LZTS3: variants seen among roughly 807,000 people sequenced by gnomAD.
LZTS3 encodes the protein leucine zipper putative tumor suppressor 3.
LZTS3 carries 16 observed loss-of-function variants against 50.9 expected under a neutral mutation model. That is an observed-to-expected ratio of 0.31 (90% CI 0.21 to 0.48). The LOEUF is 0.48. LZTS3 is among the 20% of genes least tolerant of loss of function. The pLI is 0.99. For missense variants in LZTS3, 816 were observed against 931.0 expected, an observed-to-expected ratio of 0.88 and a Z score of 1.61; for synonymous variants, 408 against 410.6, an observed-to-expected ratio of 0.99 and a Z score of 0.08.
chr20:3,165,394 C>CG lies in LZTS3; in HGVS notation c.1323+102_1323+103insC. The CG allele has an allele frequency of 1.0e-6, 1 of 980,960 alleles. No individual in the cohort carries two copies. The highest frequency in any genetic ancestry group is 1.4e-6 in the Non-Finnish European group (1 of 705,498). The allele number at this position is 980,960 out of a possible 1,614,324, so 60.8% of individuals were successfully genotyped here. ...TTTTGTCCCCCCTGCTCCTTTCATC[C>CG]CCCCCCCCATCCCACCGTTATGATA... On this transcript the variant is annotated intron_variant, in intron 4 of 4. Transcript: ENST00000337576. This position sits in a 1 kb window ranked among gnomAD's most constrained non-coding sequence, Gnocchi z 5.0.
rs1391454188 is a variant in LZTS3, at chr20:3,165,595, G to A, written c.1225C>T (p.Arg409Trp). The A allele has an allele frequency of 1.9e-6, 3 of 1,596,740 alleles. No individual in the cohort carries two copies. The highest frequency in any genetic ancestry group is 1.7e-6 in the Non-Finnish European group (2 of 1,178,854). Residue 409 changes from arginine (R) to tryptophan (W), a missense_variant, in exon 4 of 5, where the codon CGG becomes TGG. By Grantham distance (101) the Arg-to-Trp change is moderately radical. Around this residue, in one of 3 missense-constraint regions of LZTS3, gnomAD observed 700 missense variants for 769.4 expected, o/e 0.91. Transcript: ENST00000337576. The surrounding 1 kb of genome is among the most constrained non-coding windows in gnomAD (Gnocchi z 5.0). ...DKKQLQEEAA[R>W]LMRQREELED... ...AGCTCTTCCCGCTGCCGCATCAGCC[G>A]GGCCGCCTCCTCCTGCAGCTGCTTC... is the stretch of plus-strand genomic sequence containing the variant.
chr20:3,168,123 C>G (rs4815571), intron 1 of LZTS3, 162 bp from the exon 2 acceptor site: 47,823 of 151,772 alleles, frequency 0.32, 8,443 homozygotes, highest in South Asian at 0.59. Flanking sequence ...CCTGTCCCTC[C>G]CGGATGGACG....
At chr20:3,167,241 C>G in intron 2 of LZTS3, 60 bp from the exon 3 acceptor site, 6 of 1,422,508 alleles carry the variant, frequency 4.2e-6, no homozygotes, top group Non-Finnish European at 4.6e-6. Flanking sequence ...CCCACCACCC[C>G]AGCCAAGTCA....
chr20:3,165,392 TCC>T lies in LZTS3; in HGVS notation c.1323+103_1323+104del, dbSNP rs201973300. The T allele has an allele frequency of 2.5e-4, 207 of 832,268 alleles. 2 individuals are homozygous for T. The East Asian group carries it at 4.6e-3, about 18-fold the overall frequency. 51.6% of individuals were successfully genotyped at this position (832,268 alleles called of 1,614,324 possible). The stretch of plus-strand genomic sequence containing the variant: ...ATTTTTGTCCCCCCTGCTCCTTTCA[TCC>T]CCCCCCCCATCCCACCGTTATGATA... On this transcript the variant is annotated intron_variant, in intron 4 of 4. Transcript: ENST00000337576. The surrounding 1 kb of genome is among the most constrained non-coding windows in gnomAD (Gnocchi z 5.0).
At position 3,166,966 on chromosome 20, in the gene LZTS3, G is replaced by A; in HGVS notation, c.198C>T (p.Gly66=). 1 of 1,602,154 alleles carries A rather than the reference G, an allele frequency of 6.2e-7. No individual in the cohort carries two copies. The highest frequency in any genetic ancestry group is 8.5e-7 in the Non-Finnish European group (1 of 1,178,910). Residue 66 remains glycine (G), a synonymous_variant, in exon 3 of 5, where the codon GGC becomes GGT. Coordinates refer to ENST00000337576, the MANE Select transcript of LZTS3 (RefSeq NM_001365618.1). ...CACTGCCTCGGGGGCCAGGGAAACT[G>A]CCCTGGCTGCCCCCACCCCCTGTGC... The part of the protein sequence containing the change: ...GTRTGGGGSQ[G]SFPGPRGSGS...
rs192670128 is a variant in LZTS3 at position 3,171,857 on chromosome 20, C to T, written c.-243+1598G>A. On this transcript the variant is annotated intron_variant, in intron 1 of 4. Coordinates refer to ENST00000337576, the MANE Select transcript of LZTS3 (RefSeq NM_001365618.1). ...ATGACAGCCTGTTGCCTGACTGCCT[C>T]GATCTCTGTCACCTCAGCCCTCAGT... 3.1e-3 allele frequency among the ~76,000 whole-genome samples: 470 copies of T among 152,218 alleles called. 4 individuals carry two copies. Among genetic ancestry groups the T allele is most frequent in the African/African-American group, 0.011 (456 of 41,528 alleles).
intron 1 of LZTS3, among the ~76,000 whole-genome samples, chr20:3,169,362 G>A (rs1194552437): frequency 6.6e-6 from 1 of 152,192 alleles, no homozygotes; most frequent in African/African-American, 2.4e-5. Flanking sequence ...TGGGGACTGG[G>A]AGGATGAAGC....
Position 3,165,391 on chromosome 20 carries a change from A to ACCCCCCCCCCC in LZTS3, c.1323+105_1323+106insGGGGGGGGGGG. On this transcript the variant is annotated intron_variant, in intron 4 of 4. Coordinates refer to ENST00000337576, the MANE Select transcript of LZTS3 (RefSeq NM_001365618.1). The surrounding 1 kb of genome is among the most constrained non-coding windows in gnomAD (Gnocchi z 5.0). ...GATTTTTGTCCCCCCTGCTCCTTTC[A>ACCCCCCCCCCC]TCCCCCCCCCCATCCCACCGTTATG... The ACCCCCCCCCCC allele has an allele frequency of 6.4e-6, 6 of 935,112 alleles. No individual in the cohort carries two copies. The highest frequency in any genetic ancestry group is 1.7e-5 in the South Asian group (1 of 57,334). 57.9% of individuals were successfully genotyped at this position (935,112 alleles called of 1,614,324 possible).
rs1156920851 is a variant in LZTS3 at position 3,167,582 on chromosome 20, ACCC to A, written c.-19+153_-19+155del. The stretch of plus-strand genomic sequence containing the variant: ...TGGGGTTCTTTATCTTGGGTCTGGG[ACCC>A]TAATATCCCAACCTCATGGGCTGGG... On this transcript the variant is annotated intron_variant, in intron 2 of 4. Coordinates refer to ENST00000337576, the MANE Select transcript of LZTS3 (RefSeq NM_001365618.1). 7 of 1,002,076 alleles carry A rather than the reference ACCC, an allele frequency of 7.0e-6. No individual in the cohort carries two copies. In the East Asian group the frequency reaches 6.3e-4, roughly 91 times the overall value. 62.1% of individuals were successfully genotyped at this position (1,002,076 alleles called of 1,614,324 possible).
In LZTS3 at chr20:3,164,648, CCTT is replaced by C. The variant is rs1261295257; in HGVS notation, c.1825_1827del (p.Lys609del). 1 of 1,612,996 alleles carries C rather than the reference CCTT, an allele frequency of 6.2e-7. No homozygotes were observed. Among genetic ancestry groups the C allele is most frequent in the Non-Finnish European group, 8.5e-7 (1 of 1,179,482 alleles). On this transcript the variant is annotated inframe_deletion, in exon 5 of 5. Coordinates refer to ENST00000337576, the MANE Select transcript of LZTS3 (RefSeq NM_001365618.1). The stretch of plus-strand genomic sequence containing the variant: ...TGCTTCTGGTACTCGATCACCTTCT[CCTT>C]CTCCTCCAGCCACACGCGGCGCTCC...
chr20:3,170,521 G>A (rs760084197), intron 1 of LZTS3, among the ~76,000 whole-genome samples: 6 of 147,446 alleles, frequency 4.1e-5, no homozygotes, highest in Non-Finnish European at 8.9e-5. Context: ...TTGGCGCGGT[G>A]GCTTACGCTT....
rs1239279240 is a variant in LZTS3 at position 3,167,029 on chromosome 20, G to A, written c.135C>T (p.Ala45=). Residue 45 remains alanine, a synonymous_variant, in exon 3 of 5, where the codon GCC becomes GCT. Transcript: ENST00000337576. ...TCTTCATGGCAAACTCCTGGGCATG[G>A]GCCACCCCACTGCCCACGCTGCCCA... ...LAMGSVGSGV[A]HAQEFAMKSV... The A allele has an allele frequency of 2.5e-6, 4 of 1,583,242 alleles. No individual in the cohort carries two copies. The highest frequency in any genetic ancestry group is 1.7e-5 in the Admixed American group (1 of 58,272).
intron 1 of LZTS3, among the ~76,000 whole-genome samples, chr20:3,169,879 T>TAAA (rs34415260): frequency 9.6e-5 from 6 of 62,474 alleles, no homozygotes; most frequent in African/African-American, 4.2e-4. Flanking sequence ...ACTCTTTCCT[T>TAAA]AAAAAAAAAA....
rs766615835 is a variant in LZTS3, at chr20:3,166,109, G to C, written c.711C>G (p.His237Gln). 3.7e-6 allele frequency: 6 copies of C among 1,612,538 alleles called. No individual in the cohort carries two copies. In the African/African-American group the frequency reaches 8.0e-5, roughly 22 times the overall value. Reference protein sequence around the residue: ...LPTYSSSYSQHLAPLSASTSH... With the variant: ...LPTYSSSYSQQLAPLSASTSH... ...TGGTGGAGGCACTGAGGGGTGCCAG[G>C]TGCTGGCTGTAGCTGGAGCTGTAGG... The change falls in exon 4 of 5, where the codon CAC (histidine) becomes CAG (glutamine). Residue 237 changes from histidine to glutamine, a missense_variant. By Grantham distance (24) the His-to-Gln change is conservative (BLOSUM62 0). Around this residue, in one of 3 missense-constraint regions of LZTS3, gnomAD observed 700 missense variants for 769.4 expected, o/e 0.91. Transcript: ENST00000337576.
At position 3,167,031 on chromosome 20, in the gene LZTS3, C is replaced by T. The variant is rs1361291847; in HGVS notation, c.133G>A (p.Ala45Thr). 2.5e-6 allele frequency: 4 copies of T among 1,582,256 alleles called. No homozygotes were observed. In the Admixed American group the frequency reaches 6.9e-5, roughly 27 times the overall value. ...LAMGSVGSGV[A>T]HAQEFAMKSV... ...TTCATGGCAAACTCCTGGGCATGGG[C>T]CACCCCACTGCCCACGCTGCCCATG... Residue 45 changes from alanine (A) to threonine (T), a missense_variant, in exon 3 of 5, where the codon GCC becomes ACC. Ala to Thr is a moderately conservative substitution (Grantham distance 58, BLOSUM62 0). This residue lies in a region of LZTS3 where 700 missense variants were observed against 769.4 expected (regional missense o/e 0.91). Transcript: ENST00000337576.
chr20:3,166,278 G>T lies in LZTS3; in HGVS notation c.542C>A (p.Pro181Gln). Residue 181 changes from proline (P) to glutamine (Q), a missense_variant, in exon 4 of 5, where the codon CCG becomes CAG. By Grantham distance (76) the Pro-to-Gln change is moderately conservative. Transcript: ENST00000337576. ...NFHSMQNLCP[P>Q]QTNGTPEGRQ... ...TCCCTCAGGAGTCCCATTGGTCTGC[G>T]GGGGGCACAAATTCTGCATGGAGTG... 6.2e-7 allele frequency: 1 copy of T among 1,613,892 alleles called. No individual in the cohort carries two copies. The highest frequency in any genetic ancestry group is 8.5e-7 in the Non-Finnish European group (1 of 1,179,922).
rs75288538 is a variant in LZTS3, at chr20:3,168,722, A to C, written c.-242-761T>G. ...CTGCCTCGGGTTAGACCCTCAAATA[A>C]GTGTGTGGGAAATGGGAGAGGGCGC... On this transcript the variant is annotated intron_variant, in intron 1 of 4. Coordinates refer to ENST00000337576, the MANE Select transcript of LZTS3 (RefSeq NM_001365618.1). Among the ~76,000 whole-genome samples the C allele has an allele frequency of 2.4e-3, 361 of 152,302 alleles. 2 individuals are homozygous for C. Among genetic ancestry groups the C allele is most frequent in the African/African-American group, 8.4e-3 (351 of 41,580 alleles).
rs2066826897 is a variant in LZTS3, at chr20:3,166,687, C to T, written c.459+18G>A. ...CCCCAGAAAAAGGCTGTGAGGGTCT[C>T]AGGCCCTGCGGACTGACCTGGTCTA... is the stretch of plus-strand genomic sequence containing the variant. On this transcript the variant is annotated intron_variant, in intron 3 of 4. Coordinates refer to ENST00000337576, the MANE Select transcript of LZTS3 (RefSeq NM_001365618.1). The T allele has an allele frequency of 6.2e-7, 1 of 1,606,532 alleles. No homozygotes were observed. The highest frequency in any genetic ancestry group is 1.7e-5 in the Admixed American group (1 of 59,870).
rs919002271 is a variant in LZTS3, at chr20:3,167,752, C to T, written c.-33G>A. The stretch of plus-strand genomic sequence containing the variant: ...AGCCCCCTAACCTAAGTGTTGCAGT[C>T]AGGGCAGAAGTGGAAGCTCACTACC... On this transcript the variant is annotated 5_prime_UTR_variant, in exon 2 of 5. The change abolishes the stop of an existing upstream ORF in the 5' untranslated region. Coordinates refer to ENST00000337576, the MANE Select transcript of LZTS3 (RefSeq NM_001365618.1). 8 of 985,484 alleles carry T rather than the reference C, an allele frequency of 8.1e-6. No individual in the cohort carries two copies. The highest frequency in any genetic ancestry group is 9.6e-6 in the Non-Finnish European group (8 of 830,112). The allele number at this position is 985,484 out of a possible 1,614,324, so 61.0% of individuals were successfully genotyped here. A position where few individuals can be genotyped will look rare whatever the true frequency, so the allele number is the denominator to read the frequency against.
Sources: allele counts gnomAD v4.1 joint callset (sites outside exome capture counted in the v4.1 genomes callset), GRCh38; gene constraint gnomAD v4.1.1; regional missense constraint gnomAD v4.1.1; non-coding constraint Gnocchi (gnomAD v3.1); transcripts MANE v1.5; gene names NCBI Gene and HGNC (gene_info 2026-07-23, HGNC 2026-07-21).